The following FGGY variants were observed in gnomAD, a reference collection of about 807,000 sequenced individuals.
FGGY encodes FGGY carbohydrate kinase domain containing, also known as FGGY carbohydrate kinase domain-containing protein.
Under a neutral mutation model 71.3 loss-of-function variants are expected in FGGY, and 72 were observed. That is an observed-to-expected ratio of 1.01 (90% CI 0.84 to 1.23). The LOEUF (loss-of-function observed/expected upper bound fraction) is 1.23, where lower values mean the gene tolerates loss of function less well. FGGY is among the 50% of genes most tolerant of loss of function. FGGY has a pLI of 0.00. For synonymous variants in FGGY, 251 were observed against 250.3 expected (o/e 1.00, Z -0.02); for missense variants, 668 against 682.3 (o/e 0.98, Z 0.23).
intron 9 of FGGY, among the ~76,000 whole-genome samples, chr1:59,611,758 T>C (rs1003139649): frequency 6.6e-6 from 1 of 152,128 alleles, no homozygotes; most frequent in African/African-American, 2.4e-5. Context: ...TGAAAAAAGA[T>C]TAGATGAATG....
chr1:59,478,668 A>G (rs554169163), intron 6 of FGGY, among the ~76,000 whole-genome samples: 3 of 152,226 alleles, frequency 2.0e-5, no homozygotes, highest in African/African-American at 7.2e-5. Flanking sequence ...TAGAGTAGAC[A>G]TTTGGATCTA....
At chr1:59,404,353 C>T (rs1220774831) in intron 5 of FGGY, among the ~76,000 whole-genome samples, 2 of 151,960 alleles carry the variant, frequency 1.3e-5, no homozygotes, top group Admixed American at 1.3e-4. Flanking sequence ...CACATGTATC[C>T]CGGAACTTAA....
intron 8 of FGGY, among the ~76,000 whole-genome samples, chr1:59,593,386 C>T (rs898443981): frequency 9.2e-5 from 14 of 152,200 alleles, no homozygotes; most frequent in Admixed American, 7.2e-4. Context: ...CTGACACATA[C>T]CTGCCCTTCC....
intron 14 of FGGY, among the ~76,000 whole-genome samples, chr1:59,693,964 G>A (rs11207505): frequency 0.55 from 83,361 of 151,428 alleles, 24,685 homozygotes; most frequent in Non-Finnish European, 0.67. Flanking sequence ...CCAATGTTAC[G>A]CCACTGCACT....
rs140437427 is a variant in FGGY, at chr1:59,568,058, A to G, written c.903+13831A>G. Among the ~76,000 whole-genome samples the G allele has an allele frequency of 6.0e-3, 909 of 152,188 alleles. 9 individuals are homozygous for G. Among genetic ancestry groups the G allele is most frequent in the Middle Eastern group, 0.024 (7 of 294 alleles). ...AGATTTTAGGCAGTTAATACTGTATATATACAATATAATGCATAACACTGC... is the reference window on the plus strand; with the variant it reads ...AGATTTTAGGCAGTTAATACTGTATGTATACAATATAATGCATAACACTGC... On this transcript the variant is annotated intron_variant, in intron 8 of 15. Transcript: ENST00000303721.
intron 6 of FGGY, among the ~76,000 whole-genome samples, chr1:59,510,954 T>TTAAAACTAAA (rs1371708500): frequency 6.6e-6 from 1 of 152,188 alleles, no homozygotes; most frequent in South Asian, 2.1e-4. Flanking sequence ...TAAGTTGAAG[T>TTAAAACTAAA]TAAAACTAAA....
At chr1:59,391,514 G>A (rs74087420) in intron 5 of FGGY, among the ~76,000 whole-genome samples, 8,511 of 152,198 alleles carry the variant, frequency 0.056, 802 homozygotes, top group African/African-American at 0.19. Context: ...GAAGGTTGAG[G>A]TTGCTTCTTT....
At chr1:59,587,370 A>AC (rs1162259575) in intron 8 of FGGY, among the ~76,000 whole-genome samples, 1 of 152,096 alleles carries the variant, frequency 6.6e-6, no homozygotes, top group Non-Finnish European at 1.5e-5. Flanking sequence ...GGGGCAGGGA[A>AC]CAGACAAACA....
intron 14 of FGGY, among the ~76,000 whole-genome samples, chr1:59,753,297 A>G (rs959251290): frequency 6.6e-6 from 1 of 151,544 alleles, no homozygotes; most frequent in Admixed American, 6.6e-5. Context: ...TTTCAGTTTT[A>G]TGTTAATTAT....
chr1:59,564,930 C>T (rs193060904), intron 8 of FGGY, among the ~76,000 whole-genome samples: 1 of 152,252 alleles, frequency 6.6e-6, no homozygotes. Context: ...CAAAAGACTG[C>T]AAGTTGCCTG....
At position 59,390,034 on chromosome 1, in the gene FGGY, A is replaced by G. The variant is rs555436196; in HGVS notation, c.554+11197A>G. Among the ~76,000 whole-genome samples the G allele has an allele frequency of 5.9e-5, 9 of 152,302 alleles. No individual in the cohort carries two copies. The South Asian group carries it at 6.2e-4, about 11-fold the overall frequency. On this transcript the variant is annotated intron_variant, in intron 5 of 15. Transcript: ENST00000303721. ...CATTGTTTTATGGTTGTGTTGAAGGATGATTTCTCAGAACAGTGGTATTTA... is the reference window on the plus strand; with the variant it reads ...CATTGTTTTATGGTTGTGTTGAAGGGTGATTTCTCAGAACAGTGGTATTTA...
At chr1:59,378,160 A>G (rs946327003) in intron 4 of FGGY, among the ~76,000 whole-genome samples, 6 of 152,106 alleles carry the variant, frequency 3.9e-5, no homozygotes, top group African/African-American at 1.4e-4. Flanking sequence ...TGCTTTTGAT[A>G]TGGTTTGGCT....
intron 6 of FGGY, among the ~76,000 whole-genome samples, chr1:59,486,062 C>T (rs2093649274): frequency 6.6e-6 from 1 of 152,130 alleles, no homozygotes; most frequent in South Asian, 2.1e-4. Flanking sequence ...CACTTAGAGC[C>T]CCTGTGCCTC....
intron 6 of FGGY, among the ~76,000 whole-genome samples, chr1:59,470,515 G>A (rs933751669): frequency 2.0e-5 from 3 of 152,112 alleles, no homozygotes; most frequent in Admixed American, 1.3e-4. Flanking sequence ...AATCTTTTCA[G>A]TCTCAGGGAT....
At chr1:59,490,656 T>A (rs2093801624) in intron 6 of FGGY, among the ~76,000 whole-genome samples, 1 of 152,180 alleles carries the variant, frequency 6.6e-6, no homozygotes, top group Non-Finnish European at 1.5e-5. Flanking sequence ...GTTGCAGGTC[T>A]TGTGTTTAGG....
intron 7 of FGGY, among the ~76,000 whole-genome samples, chr1:59,537,133 A>G (rs1028091772): frequency 1.3e-5 from 2 of 150,740 alleles, no homozygotes; most frequent in African/African-American, 4.9e-5. Context: ...TAAGCTGATA[A>G]GCAACTTCAG....
At chr1:59,692,667 T>C (rs1482123548) in intron 14 of FGGY, among the ~76,000 whole-genome samples, 1 of 151,446 alleles carries the variant, frequency 6.6e-6, no homozygotes, top group African/African-American at 2.4e-5. Context: ...GGAGAAACTT[T>C]GCTGTAGAGT....
Position 59,582,623 on chromosome 1 carries a change from C to G in FGGY, c.904-25180C>G, listed in dbSNP as rs1011638359. ...ATTTAGCTCAGGCATCTAATATCCTCTCGCTGGAAGCTTTCAGACTAGATT... is the reference window on the plus strand; with the variant it reads ...ATTTAGCTCAGGCATCTAATATCCTGTCGCTGGAAGCTTTCAGACTAGATT... On this transcript the variant is annotated intron_variant, in intron 8 of 15. Transcript: ENST00000303721. Among the ~76,000 whole-genome samples the G allele has an allele frequency of 2.7e-5, 4 of 149,900 alleles. 1 individual carries two copies. Among genetic ancestry groups the G allele is most frequent in the Admixed American group, 1.3e-4 (2 of 15,170 alleles).
intron 14 of FGGY, among the ~76,000 whole-genome samples, chr1:59,740,186 T>G (rs2098136359): frequency 6.6e-6 from 1 of 152,228 alleles, no homozygotes; most frequent in African/African-American, 2.4e-5. Context: ...TTCTTGAAGC[T>G]TACTTCAGTT....
Sources: gnomAD v4.1 joint callset for allele counts (sites outside exome capture counted in the v4.1 genomes callset) on GRCh38, gnomAD v4.1.1 for gene constraint, MANE v1.5 for transcripts, NCBI Gene and HGNC (gene_info 2026-07-23, HGNC 2026-07-21) for gene names.